Variants in FOXP2 observed in about 807,000 individuals in gnomAD.
The protein encoded by FOXP2 is forkhead box P2, also known as forkhead box protein P2.
A neutral mutation model predicts 115.8 loss-of-function variants in FOXP2; 12 were observed. The observed-to-expected ratio is 0.10, with a 90% confidence interval of 0.07 to 0.17. The LOEUF is 0.17. FOXP2 is among the 10% of genes least tolerant of loss of function. The pLI is 1.00. For synonymous variants in FOXP2, 328 were observed against 297.7 expected (o/e 1.10, Z -1.05); for missense variants, 629 against 843.5 (o/e 0.75, Z 3.15).
At chr7:114,640,795 A>G (rs1367696026) in intron 6 of FOXP2, among the ~76,000 whole-genome samples, 1 of 152,190 alleles carries the variant, frequency 6.6e-6, no homozygotes, top group Non-Finnish European at 1.5e-5. Flanking sequence ...AGATGCACAT[A>G]GTAATTAAGA....
At chr7:114,584,419 A>T (rs1009043764) in intron 3 of FOXP2, among the ~76,000 whole-genome samples, 2 of 152,146 alleles carry the variant, frequency 1.3e-5, no homozygotes, top group Admixed American at 6.6e-5. Flanking sequence ...GTTCCAACAC[A>T]TGCTCTCAAA....
At chr7:114,654,072 A>G (rs1458507870) in intron 10 of FOXP2, 63 bp downstream of exon 10, 2 of 1,611,340 alleles carry the variant, frequency 1.2e-6, no homozygotes, top group African/African-American at 2.7e-5. Context: ...TAAGAAAATG[A>G]ACAATTTAGT....
At chr7:114,417,252 G>A (rs1455944180) in intron 1 of FOXP2, among the ~76,000 whole-genome samples, 1 of 151,870 alleles carries the variant, frequency 6.6e-6, no homozygotes, top group African/African-American at 2.4e-5. Context: ...AGGTTCTTTA[G>A]TGCAATAAAA....
chr7:114,198,567 G>T (rs148338545), intron 1 of FOXP2, among the ~76,000 whole-genome samples: 62 of 152,292 alleles, frequency 4.1e-4, no homozygotes, highest in African/African-American at 1.5e-3. Flanking sequence ...GCACTTCCGT[G>T]GGAATCGAAT....
intron 1 of FOXP2, among the ~76,000 whole-genome samples, chr7:114,112,893 T>C (rs1791308236): frequency 6.6e-6 from 1 of 152,154 alleles, no homozygotes; most frequent in African/African-American, 2.4e-5. Flanking sequence ...GAGTTACTCA[T>C]GTCTATATTG....
chr7:114,383,852 A>G (rs1186924908), intron 2 of FOXP2, among the ~76,000 whole-genome samples: 3 of 152,196 alleles, frequency 2.0e-5, no homozygotes, highest in Non-Finnish European at 4.4e-5. Flanking sequence ...CATTAGTCCT[A>G]GAGCGTCCTC....
At chr7:114,284,447 T>G (rs2690839) in intron 1 of FOXP2, among the ~76,000 whole-genome samples, 97,829 of 152,004 alleles carry the variant, frequency 0.64, 32,374 homozygotes, top group Middle Eastern at 0.8. Flanking sequence ...TCTAGTTCAG[T>G]TTCTGTCTCC....
At chr7:114,229,257 C>G (rs1484085159) in intron 1 of FOXP2, among the ~76,000 whole-genome samples, 1 of 150,590 alleles carries the variant, frequency 6.6e-6, no homozygotes, top group Non-Finnish European at 1.5e-5. Context: ...GTTAGAGCAC[C>G]TAAATATATG....
At chr7:114,586,428 T>G (rs1214457291) in intron 3 of FOXP2, among the ~76,000 whole-genome samples, 1 of 152,110 alleles carries the variant, frequency 6.6e-6, no homozygotes, top group African/African-American at 2.4e-5. Flanking sequence ...ACTCTTCTAT[T>G]AAGGTTCCAT....
At chr7:114,220,885 T>TG (rs1794603572) in intron 1 of FOXP2, among the ~76,000 whole-genome samples, 1 of 152,204 alleles carries the variant, frequency 6.6e-6, no homozygotes, top group South Asian at 2.1e-4. Flanking sequence ...GAAAACTCTC[T>TG]CGAAGTCTTT....
At chr7:114,498,431 T>C (rs1306210855) in intron 2 of FOXP2, among the ~76,000 whole-genome samples, 4 of 152,136 alleles carry the variant, frequency 2.6e-5, no homozygotes, top group Non-Finnish European at 5.9e-5. Flanking sequence ...AAGGTAATCA[T>C]CTAAGTAAAA....
intron 1 of FOXP2, among the ~76,000 whole-genome samples, chr7:114,164,939 T>G (rs1354961833): frequency 6.6e-6 from 1 of 150,434 alleles, no homozygotes; most frequent in African/African-American, 2.5e-5. Flanking sequence ...AAATAAAAAG[T>G]TGAGTGGAAA....
At chr7:114,358,727 G>C (rs912829050) in intron 2 of FOXP2, among the ~76,000 whole-genome samples, 3 of 152,194 alleles carry the variant, frequency 2.0e-5, no homozygotes, top group African/African-American at 7.2e-5. Context: ...GAACTTGAGA[G>C]AGATGATTTA....
At chr7:114,101,297 T>C (rs1169241513) in intron 1 of FOXP2, among the ~76,000 whole-genome samples, 1 of 152,160 alleles carries the variant, frequency 6.6e-6, no homozygotes, top group Non-Finnish European at 1.5e-5. Context: ...TGCCAGTGCC[T>C]CTGCTAACAA....
chr7:114,663,526 T>G lies in FOXP2; in HGVS notation c.1839+7T>G, dbSNP rs1216684152. 6.2e-7 allele frequency: 1 copy of G among 1,608,814 alleles called. No homozygotes were observed. The highest frequency in any genetic ancestry group is 8.5e-7 in the Non-Finnish European group (1 of 1,176,138). Reference sequence around the variant, plus strand: ...TCTTAATGCCAGTTTGCAGGTAATGTACTTTCCCAGTTTTGTTGTATTTGA... The same window carrying G: ...TCTTAATGCCAGTTTGCAGGTAATGGACTTTCCCAGTTTTGTTGTATTTGA... On this transcript the variant is annotated splice_region_variant and intron_variant, in intron 15 of 16. Coordinates refer to ENST00000350908, the MANE Select transcript of FOXP2 (RefSeq NM_014491.4).
At chr7:114,358,095 T>C (rs922906211) in intron 2 of FOXP2, among the ~76,000 whole-genome samples, 2 of 152,176 alleles carry the variant, frequency 1.3e-5, no homozygotes, top group Non-Finnish European at 2.9e-5. Flanking sequence ...TGGGAGGTAA[T>C]TGAATCATGA....
At chr7:114,283,765 C>G (rs1401532320) in intron 1 of FOXP2, among the ~76,000 whole-genome samples, 1 of 152,022 alleles carries the variant, frequency 6.6e-6, no homozygotes, top group Non-Finnish European at 1.5e-5. Flanking sequence ...GAGGTCGAAA[C>G]CAGCTTGGGC....
At chr7:114,403,564 A>T (rs1245524886) in intron 2 of FOXP2, among the ~76,000 whole-genome samples, 1 of 152,156 alleles carries the variant, frequency 6.6e-6, no homozygotes, top group African/African-American at 2.4e-5. Context: ...TTTATTGCAG[A>T]CTATCTCAGG....
At chr7:114,584,635 C>G (rs1430099988) in intron 3 of FOXP2, among the ~76,000 whole-genome samples, 1 of 152,150 alleles carries the variant, frequency 6.6e-6, no homozygotes, top group East Asian at 1.9e-4. Context: ...CTAACAGACT[C>G]TCAAAAATAA....
Sources: allele counts gnomAD v4.1 joint callset (sites outside exome capture counted in the v4.1 genomes callset), GRCh38; gene constraint gnomAD v4.1.1; transcripts MANE v1.5; gene names NCBI Gene and HGNC (gene_info 2026-07-23, HGNC 2026-07-21).